PSIP1: variants seen among roughly 807,000 people sequenced by gnomAD.
The protein encoded by PSIP1 is PC4 and SRSF1 interacting protein 1.
PSIP1 carries 19 observed loss-of-function variants against 74.7 expected under a neutral mutation model. The observed-to-expected ratio is 0.25, with a 90% CI of 0.18 to 0.37. PSIP1 has a LOEUF of 0.37. PSIP1 is among the 10% of genes least tolerant of loss of function. PSIP1 has a pLI of 1.00. For missense variants in PSIP1, 601 were observed against 614.3 expected (o/e 0.98, Z 0.23); for synonymous variants, 222 against 195.3 (o/e 1.14, Z -1.14).
At chr9:15,494,963 C>G (rs978775474) in intron 3 of PSIP1, among the ~76,000 whole-genome samples, 6 of 152,020 alleles carry the variant, frequency 3.9e-5, no homozygotes, top group Non-Finnish European at 8.8e-5. Flanking sequence ...CAGAACAAAC[C>G]CAATTCAACA....
chr9:15,496,471 GA>G (rs1159002843), intron 3 of PSIP1, among the ~76,000 whole-genome samples: 1 of 152,172 alleles, frequency 6.6e-6, no homozygotes, highest in Non-Finnish European at 1.5e-5. Flanking sequence ...TATTAAAACA[GA>G]AAGTCTTAAC....
At chr9:15,507,279 A>C (rs1477995336) in intron 2 of PSIP1, among the ~76,000 whole-genome samples, 1 of 152,220 alleles carries the variant, frequency 6.6e-6, no homozygotes, top group South Asian at 2.1e-4. Context: ...TAATATATCC[A>C]TAATACTTGT....
chr9:15,477,087 A>T (rs777988356), intron 8 of PSIP1, among the ~76,000 whole-genome samples: 1 of 152,210 alleles, frequency 6.6e-6, no homozygotes, highest in Non-Finnish European at 1.5e-5. Context: ...GAGGGATCTC[A>T]CAGTATTTTC....
intron 3 of PSIP1, 149 bp downstream of exon 3, chr9:15,506,412 C>A (rs957486935): frequency 9.7e-5 from 50 of 512,882 alleles, no homozygotes; most frequent in Admixed American, 1.7e-4. Flanking sequence ...TAAACGCTAC[C>A]TTAAAAATAG....
intron 6 of PSIP1, among the ~76,000 whole-genome samples, chr9:15,480,158 A>G (rs2036273385): frequency 6.6e-6 from 1 of 152,262 alleles, no homozygotes; most frequent in Non-Finnish European, 1.5e-5. Flanking sequence ...ATGCCCTTTG[A>G]TAACTGCTAG....
intron 3 of PSIP1, among the ~76,000 whole-genome samples, chr9:15,502,893 C>T (rs553013454): frequency 4.9e-4 from 74 of 152,204 alleles, no homozygotes; most frequent in African/African-American, 1.5e-3. Context: ...CTATGAATGT[C>T]CTAAGTAAAA....
At chr9:15,493,768 TC>T (rs932507605) in intron 3 of PSIP1, among the ~76,000 whole-genome samples, 1 of 152,138 alleles carries the variant, frequency 6.6e-6, no homozygotes, top group Non-Finnish European at 1.5e-5. Context: ...CTCATGAGAC[TC>T]ACTATCACCA....
chr9:15,494,824 C>T (rs1350781241), intron 3 of PSIP1, among the ~76,000 whole-genome samples: 1 of 152,056 alleles, frequency 6.6e-6, no homozygotes. Flanking sequence ...TCATTAATTC[C>T]TGTCCATAAT....
At chr9:15,469,543 T>G (rs1428023479) in intron 11 of PSIP1, among the ~76,000 whole-genome samples, 2 of 152,146 alleles carry the variant, frequency 1.3e-5, no homozygotes, top group Non-Finnish European at 2.9e-5. Context: ...ACATGCAGTG[T>G]AAAAGCACAA....
Position 15,475,049 on chromosome 9 carries a change from A to C in PSIP1, c.630-812T>G, listed in dbSNP as rs188246016. Among the ~76,000 whole-genome samples, 17 of 152,304 alleles carry C rather than the reference A, an allele frequency of 1.1e-4. No homozygotes were observed. The East Asian group carries it at 3.3e-3, about 29-fold the overall frequency. ...AGAAAATGATGATGCAAAAGGTCAA[A>C]TAACAAGCCCAACATCTCAATTCCA... On this transcript the variant is annotated intron_variant, in intron 8 of 15. Coordinates refer to ENST00000380733, the MANE Select transcript of PSIP1 (RefSeq NM_033222.5).
intron 3 of PSIP1, among the ~76,000 whole-genome samples, chr9:15,498,737 TA>T (rs887893569): frequency 2.6e-5 from 4 of 152,132 alleles, no homozygotes; most frequent in African/African-American, 9.7e-5. Context: ...CAAAAAATTG[TA>T]AGTCAGTCTG....
At chr9:15,502,102 G>C (rs564779375) in intron 3 of PSIP1, among the ~76,000 whole-genome samples, 10 of 152,124 alleles carry the variant, frequency 6.6e-5, no homozygotes, top group Admixed American at 3.9e-4. Context: ...AAGAATCTAA[G>C]TAATGGCTGC....
intron 3 of PSIP1, among the ~76,000 whole-genome samples, chr9:15,503,998 G>C (rs780514592): frequency 5.9e-5 from 9 of 152,158 alleles, no homozygotes; most frequent in Non-Finnish European, 1.2e-4. Context: ...GCCCGCTTCA[G>C]CCTCCCAAAG....
intron 14 of PSIP1, among the ~76,000 whole-genome samples, chr9:15,468,122 TTAA>T (rs1420391448): frequency 5.2e-5 from 4 of 77,486 alleles, no homozygotes; most frequent in Admixed American, 3.4e-4. Context: ...ACTCCATCTT[TTAA>T]AAAAAAAAAA....
At chr9:15,469,462 G>T in intron 11 of PSIP1, 126 bp from the exon 12 acceptor site, 2 of 594,116 alleles carry the variant, frequency 3.4e-6, no homozygotes, top group Non-Finnish European at 5.9e-6. Flanking sequence ...TTACTAAGAA[G>T]CTCAAAGATA....
At chr9:15,475,447 C>G (rs908512080) in intron 8 of PSIP1, among the ~76,000 whole-genome samples, 1 of 152,080 alleles carries the variant, frequency 6.6e-6, no homozygotes, top group African/African-American at 2.4e-5. Flanking sequence ...AATGTTACAC[C>G]TGTATGGAAG....
In PSIP1 at chr9:15,510,282, C is replaced by G. The variant is rs2037799965; in HGVS notation, c.-94G>C. 2.0e-6 allele frequency: 2 copies of G among 994,218 alleles called. No homozygotes were observed. Among genetic ancestry groups the G allele is most frequent in the Middle Eastern group, 3.4e-4 (1 of 2,958 alleles). The allele number at this position is 994,218 out of a possible 1,614,324, so 61.6% of individuals were successfully genotyped here. On this transcript the variant is annotated 5_prime_UTR_variant, in exon 2 of 16. Transcript: ENST00000380733. ...GGGCGGCGGACGCGGGCCCAGCTAC[C>G]GGGCCCGCGGGCGGGGGAGGATGCC...
At chr9:15,497,923 A>G (rs2037160948) in intron 3 of PSIP1, among the ~76,000 whole-genome samples, 1 of 152,180 alleles carries the variant, frequency 6.6e-6, no homozygotes, top group Non-Finnish European at 1.5e-5. Context: ...AACTTACTCA[A>G]AAGTAGACCT....
chr9:15,506,665 T>C (rs2132242070), intron 2 of PSIP1, 28 bp from the exon 3 acceptor site: 1 of 1,513,996 alleles, frequency 6.6e-7, no homozygotes. Flanking sequence ...AAAATTAAAA[T>C]ATTTTAAATC....
Sources: gnomAD v4.1 joint callset for allele counts (sites outside exome capture counted in the v4.1 genomes callset) on GRCh38, gnomAD v4.1.1 for gene constraint, MANE v1.5 for transcripts, NCBI Gene and HGNC (gene_info 2026-07-23, HGNC 2026-07-21) for gene names.